Variants in BST1 observed in about 807,000 individuals in gnomAD.
BST1 encodes bone marrow stromal cell antigen 1.
A neutral mutation model predicts 40.6 loss-of-function variants in BST1; 49 were observed. The ratio of observed to expected loss-of-function variants is 1.21; its 90% CI spans 0.96 to 1.53. The LOEUF (loss-of-function observed/expected upper bound fraction) is 1.53. BST1 is among the 40% of genes most tolerant of loss of function. The pLI is 0.00. For missense variants in BST1, 423 were observed against 395.9 expected (o/e 1.07, Z -0.58); for synonymous variants, 157 against 159.3 (o/e 0.99, Z 0.11).
At chr4:15,758,698 C>T in the BST1 span, among the ~76,000 whole-genome samples, 966 of 152,342 alleles carry the variant, frequency 6.3e-3, 9 homozygotes, top group African/African-American at 0.022. Flanking sequence ...ATCTCCCTAA[C>T]ACCCTCACCC....
At chr4:15,753,001 A>G in the BST1 span, among the ~76,000 whole-genome samples, 1 of 150,456 alleles carries the variant, frequency 6.6e-6, no homozygotes, top group South Asian at 2.1e-4. Context: ...TTAAATATAA[A>G]TCACTAAGAA....
the BST1 span, among the ~76,000 whole-genome samples, chr4:15,757,508 G>C: frequency 8.2e-4 from 122 of 148,432 alleles, 2 homozygotes; most frequent in African/African-American, 3.0e-3. Flanking sequence ...CCCCCACCCC[G>C]CCCCGCAGAC....
chr4:15,768,170 T>G, the BST1 span, among the ~76,000 whole-genome samples: 1 of 152,220 alleles, frequency 6.6e-6, no homozygotes, highest in Non-Finnish European at 1.5e-5. Flanking sequence ...GTGATGCCAC[T>G]GAGATGCTGC....
intron 1 of BST1, 137 bp downstream of exon 1, chr4:15,703,469 A>G: frequency 7.5e-7 from 1 of 1,335,752 alleles, no homozygotes; most frequent in Non-Finnish European, 9.7e-7. Context: ...GAGTGTGGAG[A>G]CAGCGATGGT....
the BST1 span, among the ~76,000 whole-genome samples, chr4:15,768,803 A>G: frequency 6.6e-6 from 1 of 152,124 alleles, no homozygotes; most frequent in East Asian, 1.9e-4. Context: ...GCCGATGGAC[A>G]GTATCTTTAA....
intron 7 of BST1, among the ~76,000 whole-genome samples, chr4:15,719,383 C>G (rs1450256319): frequency 6.6e-6 from 1 of 152,164 alleles, no homozygotes; most frequent in Admixed American, 6.5e-5. Context: ...GAGGTATTTA[C>G]AGACACATCT....
downstream of BST1, among the ~76,000 whole-genome samples, chr4:15,739,937 C>G (rs916590985): frequency 6.6e-6 from 1 of 151,334 alleles, no homozygotes; most frequent in African/African-American, 2.4e-5. Context: ...GAGAGACAGA[C>G]AGACAGAGAA....
At chr4:15,718,815 C>A in intron 6 of BST1, 92 bp from the exon 7 acceptor site, 3 of 1,069,554 alleles carry the variant, frequency 2.8e-6, no homozygotes, top group Non-Finnish European at 4.1e-6. Context: ...TCCAGGAGCA[C>A]ATGGTCAAAA....
At position 15,703,150 on chromosome 4, in the gene BST1, G is replaced by A. The variant is rs764396666; in HGVS notation, c.6G>A (p.Ala2=). 4 of 1,577,434 alleles carry A rather than the reference G, an allele frequency of 2.5e-6. No individual in the cohort carries two copies. Among genetic ancestry groups the A allele is most frequent in the Non-Finnish European group, 3.4e-6 (4 of 1,163,996 alleles). The change falls in exon 1 of 9, where the codon GCG becomes GCA. Residue 2 remains alanine (A), a synonymous_variant. Coordinates refer to ENST00000265016, the MANE Select transcript of BST1 (RefSeq NM_004334.3). ...GGAGGGACCAAAGTTCCCCGATGGC[G>A]GCCCAGGGGTGCGCGGCATCGCGGC... is the stretch of plus-strand genomic sequence containing the variant. M[A]AQGCAASRLL... is the part of the protein sequence containing the mutation.
At chr4:15,723,479 G>A (rs9999956) in intron 8 of BST1, 50,700 of 805,596 alleles carry the variant, frequency 0.063, 5,864 homozygotes, top group East Asian at 0.52. Flanking sequence ...CGATCTCCTG[G>A]CCTTGTGATC....
the BST1 span, among the ~76,000 whole-genome samples, chr4:15,769,585 C>T: frequency 6.6e-6 from 1 of 152,098 alleles, no homozygotes; most frequent in Non-Finnish European, 1.5e-5. Context: ...GGAGTCTGGG[C>T]TCTGGTGGTT....
chr4:15,724,229 T>C (rs936108001), intron 8 of BST1, among the ~76,000 whole-genome samples: 8 of 152,234 alleles, frequency 5.3e-5, no homozygotes, highest in African/African-American at 1.4e-4. Flanking sequence ...TCTCTTAGTA[T>C]TTTTCATTAC....
At chr4:15,748,368 C>G in the BST1 span, among the ~76,000 whole-genome samples, 1 of 152,174 alleles carries the variant, frequency 6.6e-6, no homozygotes, top group East Asian at 1.9e-4. Flanking sequence ...CAATGCAAGG[C>G]TGTGCACAGT....
chr4:15,756,707 G>A, the BST1 span, among the ~76,000 whole-genome samples: 6 of 152,194 alleles, frequency 3.9e-5, no homozygotes, highest in Non-Finnish European at 7.3e-5. Flanking sequence ...GTGGAGAGCT[G>A]TTTTTCCCCC....
chr4:15,730,801 T>C (rs1721331018), intron 8 of BST1, among the ~76,000 whole-genome samples: 1 of 152,188 alleles, frequency 6.6e-6, no homozygotes, highest in Non-Finnish European at 1.5e-5. Flanking sequence ...GAACTCAAAC[T>C]ATCAAAGTTG....
downstream of BST1, among the ~76,000 whole-genome samples, chr4:15,740,812 G>T (rs1035981196): frequency 6.6e-6 from 1 of 152,084 alleles, no homozygotes; most frequent in Non-Finnish European, 1.5e-5. Flanking sequence ...TGCAGCAACT[G>T]GGACGGGGAC....
chr4:15,703,103 G>C lies in BST1; in HGVS notation c.-42G>C. On this transcript the variant is annotated 5_prime_UTR_variant, in exon 1 of 9. Transcript: ENST00000265016. ...ACCGCCTTGGTAGAAGGAGAGAAGG[G>C]GAGTGGAGGAAGCACGGGACTGGAG... The C allele has an allele frequency of 4.5e-6, 7 of 1,540,486 alleles. No individual in the cohort carries two copies. Among genetic ancestry groups the C allele is most frequent in the East Asian group, 2.5e-5 (1 of 40,362 alleles).
At chr4:15,759,223 G>C in the BST1 span, among the ~76,000 whole-genome samples, 102 of 151,942 alleles carry the variant, frequency 6.7e-4, 1 homozygote, top group African/African-American at 2.3e-3. Flanking sequence ...TTATACTACT[G>C]GTCCACTATG....
At chr4:15,724,937 T>C (rs1354126319) in intron 8 of BST1, among the ~76,000 whole-genome samples, 1 of 152,172 alleles carries the variant, frequency 6.6e-6, no homozygotes, top group Non-Finnish European at 1.5e-5. Flanking sequence ...TCTCCTTTTA[T>C]GCTGGCTGGT....
Sources: gnomAD v4.1 joint callset for allele counts (sites outside exome capture counted in the v4.1 genomes callset) on GRCh38, gnomAD v4.1.1 for gene constraint, MANE v1.5 for transcripts, NCBI Gene and HGNC (gene_info 2026-07-23, HGNC 2026-07-21) for gene names.